Variants in GUCY1B1 observed in about 807,000 individuals in gnomAD.
GUCY1B1 encodes the protein guanylate cyclase soluble subunit beta-1.
GUCY1B1 carries 43 observed loss-of-function variants against 71.0 expected under a neutral mutation model. That is an observed-to-expected ratio of 0.61 (90% CI 0.47 to 0.78). The LOEUF (loss-of-function observed/expected upper bound fraction) is 0.78. Among genes scored for constraint, GUCY1B1 ranks in the 30% least tolerant of loss-of-function variants. The pLI is 0.00. For missense variants in GUCY1B1, 535 were observed against 754.1 expected, an observed-to-expected ratio of 0.71 and a Z score of 3.40; for synonymous variants, 266 against 259.7, an observed-to-expected ratio of 1.02 and a Z score of -0.23.
chr4:155,802,519 C>A lies in GUCY1B1; in HGVS notation c.1353C>A (p.Asn451Lys). The A allele has an allele frequency of 6.2e-7, 1 of 1,613,124 alleles. No homozygotes were observed. Among genetic ancestry groups the A allele is most frequent in the Non-Finnish European group, 8.5e-7 (1 of 1,179,396 alleles). Residue 451 changes from asparagine (N) to lysine (K), a missense_variant, in exon 10 of 14, where the codon AAC becomes AAA. Transcript: ENST00000264424. The surrounding 1 kb of genome is among the most constrained non-coding windows in gnomAD (Gnocchi z 4.3). ...EGAMKIVNLL[N>K]DLYTRFDTLT... is the part of the protein sequence containing the mutation. Reference sequence around the variant, plus strand: ...CCATGAAGATCGTCAACCTCCTCAACGACCTCTACACCAGATTTGACACAC... The same window carrying A: ...CCATGAAGATCGTCAACCTCCTCAAAGACCTCTACACCAGATTTGACACAC...
chr4:155,787,459 A>G (rs1013244703), intron 4 of GUCY1B1, among the ~76,000 whole-genome samples: 5 of 152,204 alleles, frequency 3.3e-5, no homozygotes, highest in Admixed American at 1.3e-4. Context: ...TATCTGGATT[A>G]GATTGTCAAA....
intron 4 of GUCY1B1, among the ~76,000 whole-genome samples, chr4:155,782,073 T>TTTATTA (rs3078489): frequency 1.3e-5 from 2 of 151,324 alleles, no homozygotes; most frequent in Non-Finnish European, 2.9e-5. Context: ...TTTTTAATGT[T>TTTATTA]TTATTATTAT....
At chr4:155,772,208 T>A (rs1163309274) in intron 2 of GUCY1B1, among the ~76,000 whole-genome samples, 6 of 152,174 alleles carry the variant, frequency 3.9e-5, no homozygotes, top group East Asian at 1.9e-4. Context: ...GCTGTTTATG[T>A]TTGGAAAAAG....
intron 4 of GUCY1B1, among the ~76,000 whole-genome samples, chr4:155,786,057 A>G (rs1424108916): frequency 2.6e-5 from 4 of 151,990 alleles, no homozygotes; most frequent in Admixed American, 2.0e-4. Flanking sequence ...GACTTGCCCC[A>G]GCATAAGTGG....
At chr4:155,777,458 AT>A (rs918138119) in intron 3 of GUCY1B1, 65 bp from the exon 4 acceptor site, 8 of 866,406 alleles carry the variant, frequency 9.2e-6, no homozygotes, top group Non-Finnish European at 1.6e-5. Flanking sequence ...ACTTATCTTC[AT>A]TTTTTCTATT....
In GUCY1B1 at chr4:155,789,824, C is replaced by A; in HGVS notation, c.408C>A (p.Tyr136Ter). ...GCAAAGGACTCATTTTGCACTACTA[C>A]TCAGAGAGAGAAGGACTTCAGGATA... is the stretch of plus-strand genomic sequence containing the variant. ...EKGKGLILHY[Y>*]SEREGLQDIV... Residue 136 changes from tyrosine (Y) to a stop codon, truncating the protein, a stop_gained, in exon 5 of 14, where the codon TAC becomes TAA. Coordinates refer to ENST00000264424, the MANE Select transcript of GUCY1B1 (RefSeq NM_000857.5). LOFTEE classifies it high-confidence loss of function. 6.2e-7 allele frequency: 1 copy of A among 1,610,802 alleles called. No homozygotes were observed. Among genetic ancestry groups the A allele is most frequent in the South Asian group, 1.1e-5 (1 of 91,016 alleles).
At chr4:155,770,770 G>A (rs777672650) in intron 2 of GUCY1B1, among the ~76,000 whole-genome samples, 27 of 151,514 alleles carry the variant, frequency 1.8e-4, no homozygotes, top group Admixed American at 1.6e-3. Flanking sequence ...TCCTTGCTCC[G>A]GCGTCACTGT....
chr4:155,790,891 C>G (rs900120001), intron 5 of GUCY1B1, among the ~76,000 whole-genome samples: 2 of 152,060 alleles, frequency 1.3e-5, no homozygotes, highest in African/African-American at 4.8e-5. Context: ...TTACGTGGCA[C>G]CTTTTGGTGA....
rs147809986 is a variant in GUCY1B1 at position 155,803,495 on chromosome 4, A to C, written c.1414-129A>C. On this transcript the variant is annotated intron_variant, in intron 10 of 13. Coordinates refer to ENST00000264424, the MANE Select transcript of GUCY1B1 (RefSeq NM_000857.5). ...TTGGAGTTGAATATATTAGAATTTT[A>C]AGAGAATTAAAGGGGGAGGGAAGCT... is the stretch of plus-strand genomic sequence containing the variant. 8.2e-4 allele frequency: 418 copies of C among 508,596 alleles called. 2 individuals are homozygous for C. The highest frequency in any genetic ancestry group is 7.9e-3 in the African/African-American group (401 of 50,456). 31.5% of individuals were successfully genotyped at this position (508,596 alleles called of 1,614,324 possible).
intron 1 of GUCY1B1, chr4:155,759,429 C>T (rs2125798): frequency 0.071 from 38,265 of 535,414 alleles, 1,498 homozygotes; most frequent in East Asian, 0.086. Flanking sequence ...GGGGTCTTCC[C>T]GGCTCTGGCC....
intron 3 of GUCY1B1, among the ~76,000 whole-genome samples, chr4:155,775,287 G>A (rs1737964869): frequency 6.6e-6 from 1 of 152,118 alleles, no homozygotes; most frequent in African/African-American, 2.4e-5. Context: ...AAGAGTAAAT[G>A]TGCTCTTCTT....
chr4:155,792,647 A>G (rs1342082618), intron 5 of GUCY1B1, among the ~76,000 whole-genome samples: 1 of 151,656 alleles, frequency 6.6e-6, no homozygotes. Context: ...CTGAAAAAAA[A>G]AAAAGAAAAG....
At chr4:155,765,883 G>A (rs932979318) in intron 2 of GUCY1B1, among the ~76,000 whole-genome samples, 1 of 152,088 alleles carries the variant, frequency 6.6e-6, no homozygotes, top group South Asian at 2.1e-4. Flanking sequence ...ACACCTCTCA[G>A]CTTTGAGATG....
intron 4 of GUCY1B1, chr4:155,785,317 C>A: frequency 1.4e-6 from 2 of 1,436,648 alleles, no homozygotes; most frequent in Non-Finnish European, 1.9e-6. Context: ...TGGGAATCTA[C>A]TTGTGCTGCA....
intron 4 of GUCY1B1, among the ~76,000 whole-genome samples, chr4:155,781,899 A>T (rs1738443327): frequency 6.6e-6 from 1 of 152,062 alleles, no homozygotes; most frequent in African/African-American, 2.4e-5. Flanking sequence ...ACATTTTTAA[A>T]ATTTGATTTT....
chr4:155,777,765 C>G (rs1229054930), intron 4 of GUCY1B1, 123 bp downstream of exon 4: 1 of 550,800 alleles, frequency 1.8e-6, no homozygotes, highest in African/African-American at 1.9e-5. Flanking sequence ...GAATCGTAGT[C>G]ACCTTTTTCT....
chr4:155,800,219 A>G, intron 9 of GUCY1B1, 145 bp downstream of exon 9: 1 of 498,624 alleles, frequency 2.0e-6, no homozygotes, highest in African/African-American at 2.0e-5. Flanking sequence ...TGCTTTTAAA[A>G]AGAAATTATG....
intron 2 of GUCY1B1, chr4:155,772,764 C>T (rs1245036271): frequency 1.7e-5 from 12 of 702,270 alleles, no homozygotes; most frequent in Middle Eastern, 2.3e-4. Flanking sequence ...GTGATTTGCT[C>T]CGGTTCATTT....
rs756450357 is a variant in GUCY1B1, at chr4:155,799,947, C to T, written c.1048C>T (p.Arg350Cys). Residue 350 changes from arginine (R) to cysteine (C), a missense_variant, in exon 9 of 14, where the codon CGC (arginine) becomes TGC (cysteine). Transcript: ENST00000264424. ...LSDIPLHDATRDLVLLGEQFR... is the reference protein window; with the variant it reads ...LSDIPLHDATCDLVLLGEQFR... Reference sequence around the variant, plus strand: ...TGACATCCCTCTGCATGATGCCACGCGCGATCTTGTTCTTTTGGGAGAACA... The same window carrying T: ...TGACATCCCTCTGCATGATGCCACGTGCGATCTTGTTCTTTTGGGAGAACA... 15 of 1,612,844 alleles carry T rather than the reference C, an allele frequency of 9.3e-6. No individual in the cohort carries two copies. Among genetic ancestry groups the T allele is most frequent in the African/African-American group, 2.7e-5 (2 of 74,968 alleles).
Sources: allele counts gnomAD v4.1 joint callset (sites outside exome capture counted in the v4.1 genomes callset), GRCh38; gene constraint gnomAD v4.1.1; non-coding constraint Gnocchi (gnomAD v3.1); transcripts MANE v1.5; gene names NCBI Gene and HGNC (gene_info 2026-07-23, HGNC 2026-07-21).